ZBTB20: variants seen among roughly 807,000 people sequenced by gnomAD.
The protein encoded by ZBTB20 is zinc finger and BTB domain containing 20.
A neutral mutation model predicts 56.9 loss-of-function variants in ZBTB20; 9 were observed. That is an observed-to-expected ratio of 0.16 (90% CI 0.10 to 0.28). ZBTB20 has a LOEUF of 0.28. Among genes scored for constraint, ZBTB20 ranks in the 10% least tolerant of loss-of-function variants. The pLI, the probability that ZBTB20 is intolerant of heterozygous loss-of-function variation, is 1.00. For missense variants in ZBTB20, 655 were observed against 1,003.0 expected (o/e 0.65, Z 4.69); for synonymous variants, 417 against 420.7 (o/e 0.99, Z 0.11).
At chr3:115,101,202 G>T (rs2083571892) in intron 1 of ZBTB20, among the ~76,000 whole-genome samples, 1 of 152,156 alleles carries the variant, frequency 6.6e-6, no homozygotes, top group South Asian at 2.1e-4. Flanking sequence ...CAATCAGGAT[G>T]ATATTTCATA....
At chr3:114,733,631 A>C (rs2108554029) in intron 5 of ZBTB20, among the ~76,000 whole-genome samples, 1 of 152,234 alleles carries the variant, frequency 6.6e-6, no homozygotes, top group South Asian at 2.1e-4. Context: ...ACCCTCCTTC[A>C]TCTTGGGAGC....
At position 114,500,341 on chromosome 3, in the gene ZBTB20, C is replaced by T. The variant is rs370809922; in HGVS notation, c.-255+11G>A. 6.6e-6 allele frequency: 1 copy of T among 151,992 alleles called. No individual in the cohort carries two copies. Among genetic ancestry groups the T allele is most frequent in the East Asian group, 1.9e-4 (1 of 5,186 alleles). The allele number at this position is 151,992 out of a possible 1,614,324, so 9.4% of individuals were successfully genotyped here. On this transcript the variant is annotated intron_variant, in intron 7 of 11. Coordinates refer to ENST00000675478, the MANE Select transcript of ZBTB20 (RefSeq NM_001348800.3). ...TTTTTTTTTAAAGGTAAAGAAATCA[C>T]TTTTACTTACGTAAAGAGAAGGGGC...
chr3:114,708,576 A>G (rs1175583887), intron 5 of ZBTB20, among the ~76,000 whole-genome samples: 1 of 152,206 alleles, frequency 6.6e-6, no homozygotes, highest in Non-Finnish European at 1.5e-5. Flanking sequence ...AGTTGATTAA[A>G]TAAATGACAG....
At chr3:115,048,371 CAGAT>C (rs1314451243) in intron 2 of ZBTB20, among the ~76,000 whole-genome samples, 12 of 152,230 alleles carry the variant, frequency 7.9e-5, no homozygotes, top group East Asian at 1.9e-4. Flanking sequence ...TGGTTTGACT[CAGAT>C]AGAAAAGTTC....
At chr3:115,055,554 G>A (rs1442562534) in intron 2 of ZBTB20, among the ~76,000 whole-genome samples, 2 of 152,082 alleles carry the variant, frequency 1.3e-5, no homozygotes, top group Non-Finnish European at 2.9e-5. Flanking sequence ...CCCACTATGA[G>A]AAATCCAGGT....
intron 1 of ZBTB20, among the ~76,000 whole-genome samples, chr3:115,092,541 A>G (rs1560566382): frequency 6.6e-6 from 1 of 152,100 alleles, no homozygotes; most frequent in Admixed American, 6.6e-5. Context: ...CTTCTCCAAA[A>G]TGTCATGTGT....
intron 1 of ZBTB20, among the ~76,000 whole-genome samples, chr3:115,110,172 A>C (rs1002687379): frequency 1.3e-5 from 2 of 151,992 alleles, no homozygotes; most frequent in African/African-American, 2.4e-5. Flanking sequence ...AGATCACGCC[A>C]CTGCACTCCA....
At chr3:114,949,754 A>C in intron 3 of ZBTB20, among the ~76,000 whole-genome samples, 1 of 141,350 alleles carries the variant, frequency 7.1e-6, no homozygotes, top group East Asian at 1.9e-4. Flanking sequence ...GCGACAGAGT[A>C]AGACTCTGTC....
chr3:114,763,932 G>A (rs2068608669), intron 5 of ZBTB20, among the ~76,000 whole-genome samples: 1 of 152,132 alleles, frequency 6.6e-6, no homozygotes, highest in South Asian at 2.1e-4. Flanking sequence ...AGCGTAAGAA[G>A]TAAATGTTTT....
At chr3:114,857,322 C>A (rs2075297941) in intron 4 of ZBTB20, among the ~76,000 whole-genome samples, 1 of 152,152 alleles carries the variant, frequency 6.6e-6, no homozygotes, top group South Asian at 2.1e-4. Context: ...AAACTCCTCG[C>A]AATTTTATAT....
chr3:114,764,418 C>T (rs1425077467), intron 5 of ZBTB20, among the ~76,000 whole-genome samples: 1 of 152,100 alleles, frequency 6.6e-6, no homozygotes, highest in Non-Finnish European at 1.5e-5. Context: ...CAGCACGGTG[C>T]CCTCAGAACC....
intron 5 of ZBTB20, among the ~76,000 whole-genome samples, chr3:114,749,141 C>G (rs1325098507): frequency 1.3e-5 from 2 of 152,180 alleles, no homozygotes; most frequent in Non-Finnish European, 2.9e-5. Flanking sequence ...AAGGGAAAAT[C>G]AAAGGATGTT....
intron 4 of ZBTB20, among the ~76,000 whole-genome samples, chr3:114,841,204 G>A (rs2074369875): frequency 6.6e-6 from 1 of 152,178 alleles, no homozygotes; most frequent in South Asian, 2.1e-4. Context: ...GGGAATCGGG[G>A]AAGGCATTCC....
At chr3:114,427,404 A>G (rs1474440430) in intron 7 of ZBTB20, among the ~76,000 whole-genome samples, 3 of 152,274 alleles carry the variant, frequency 2.0e-5, no homozygotes, top group African/African-American at 7.2e-5. Context: ...GATCAACTAT[A>G]TAAAAAGACA....
intron 4 of ZBTB20, among the ~76,000 whole-genome samples, chr3:114,894,048 C>T (rs373524158): frequency 2.6e-5 from 4 of 152,128 alleles, no homozygotes; most frequent in East Asian, 3.8e-4. Flanking sequence ...ACAACAACAA[C>T]AAAACACAAA....
At chr3:114,362,921 G>C (rs1355355629) in intron 10 of ZBTB20, among the ~76,000 whole-genome samples, 2 of 151,778 alleles carry the variant, frequency 1.3e-5, no homozygotes, top group Admixed American at 6.6e-5. Context: ...TTGATAACAG[G>C]GTATTTATAT....
In ZBTB20 at chr3:114,640,651, T is replaced by A. The variant is rs551871433; in HGVS notation, c.-295+52877A>T. On this transcript the variant is annotated intron_variant, in intron 6 of 11. Coordinates refer to ENST00000675478, the MANE Select transcript of ZBTB20 (RefSeq NM_001348800.3). Reference sequence around the variant, plus strand: ...GTGTCCTAGTTTGGATGATAAAATATGGGGTTACCCTGTATATAAGCTTTA... The same window carrying A: ...GTGTCCTAGTTTGGATGATAAAATAAGGGGTTACCCTGTATATAAGCTTTA... Among the ~76,000 whole-genome samples the A allele has an allele frequency of 3.9e-5, 6 of 152,228 alleles. No homozygotes were observed. The South Asian group carries it at 1.2e-3, about 32-fold the overall frequency.
In ZBTB20 at chr3:114,825,244, A is replaced by T. The variant is rs981988432; in HGVS notation, c.-416-24070T>A. On this transcript the variant is annotated intron_variant, in intron 4 of 11. Coordinates refer to ENST00000675478, the MANE Select transcript of ZBTB20 (RefSeq NM_001348800.3). The stretch of plus-strand genomic sequence containing the variant: ...CTCTTTGATATAAATTGCATGCAAT[A>T]AAGAAGGAGGCAGTCCTACACAATA... Among the ~76,000 whole-genome samples the T allele has an allele frequency of 4.1e-4, 63 of 152,092 alleles. 1 individual carries two copies. Among genetic ancestry groups the T allele is most frequent in the African/African-American group, 1.3e-3 (56 of 41,556 alleles).
intron 6 of ZBTB20, among the ~76,000 whole-genome samples, chr3:114,514,184 A>T (rs1363151700): frequency 6.6e-6 from 1 of 152,196 alleles, no homozygotes. Flanking sequence ...AATTTAACAA[A>T]GGATTTATAT....
Sources: allele counts gnomAD v4.1 joint callset (sites outside exome capture counted in the v4.1 genomes callset), GRCh38; gene constraint gnomAD v4.1.1; transcripts MANE v1.5; gene names NCBI Gene and HGNC (gene_info 2026-07-23, HGNC 2026-07-21).